Variants in GALNT16 observed in about 807,000 individuals in gnomAD.
The protein encoded by GALNT16 is polypeptide N-acetylgalactosaminyltransferase 16.
Under a neutral mutation model 76.1 loss-of-function variants are expected in GALNT16, and 40 were observed. The ratio of observed to expected loss-of-function variants is 0.53; its 90% CI spans 0.41 to 0.68. The LOEUF (loss-of-function observed/expected upper bound fraction) is 0.68, where lower values mean the gene tolerates loss of function less well. Among genes scored for constraint, GALNT16 ranks in the 30% least tolerant of loss-of-function variants. The pLI, the probability that GALNT16 is intolerant of heterozygous loss-of-function variation, is 0.00. For missense variants in GALNT16, 621 were observed against 731.9 expected (o/e 0.85, Z 1.75); for synonymous variants, 276 against 285.2 (o/e 0.97, Z 0.32).
intron 1 of GALNT16, among the ~76,000 whole-genome samples, chr14:69,271,233 C>A (rs1457748313): frequency 1.3e-5 from 2 of 152,192 alleles, no homozygotes; most frequent in Non-Finnish European, 2.9e-5. Context: ...CTCTTCCAGA[C>A]AATGCAGCAT....
rs956505754 is a variant in GALNT16 at position 69,314,074 on chromosome 14, T to G, written c.178-6637T>G. On this transcript the variant is annotated intron_variant, in intron 1 of 14. Transcript: ENST00000448469. ...CCCACCTCCAGAGATTCTGGTTTAG[T>G]TGGTCTTGGGTATGGCCTGGACATC... 1.4e-4 allele frequency among the ~76,000 whole-genome samples: 22 copies of G among 152,226 alleles called. 2 individuals are homozygous for G. The highest frequency in any genetic ancestry group is 1.4e-3 in the Admixed American group (22 of 15,284).
intron 13 of GALNT16, among the ~76,000 whole-genome samples, chr14:69,347,486 G>A (rs2045581722): frequency 6.6e-6 from 1 of 152,166 alleles, no homozygotes; most frequent in African/African-American, 2.4e-5. Flanking sequence ...CAAGACTCCT[G>A]TGCGCACATG....
intron 1 of GALNT16, among the ~76,000 whole-genome samples, chr14:69,318,593 A>G (rs1045544341): frequency 9.2e-5 from 14 of 152,186 alleles, no homozygotes; most frequent in Non-Finnish European, 1.5e-4. Flanking sequence ...CTGTCAGTCA[A>G]TGTTCACTGG....
At chr14:69,259,678 C>G (rs1175947680), upstream of GALNT16, 2 of 152,680 alleles carry the variant, frequency 1.3e-5, no homozygotes, top group Non-Finnish European at 2.9e-5. Context: ...TACACAAGGA[C>G]TCGCCGAACA....
At chr14:69,264,416 C>T (rs147557528) in intron 1 of GALNT16, among the ~76,000 whole-genome samples, 281 of 152,212 alleles carry the variant, frequency 1.8e-3, no homozygotes, top group Non-Finnish European at 3.2e-3. Flanking sequence ...AGGGGGAGTT[C>T]TCCTGAAAGG....
chr14:69,267,029 C>T (rs1446649881), intron 1 of GALNT16, among the ~76,000 whole-genome samples: 1 of 152,212 alleles, frequency 6.6e-6, no homozygotes, highest in Non-Finnish European at 1.5e-5. Context: ...TGAGTCTGAC[C>T]TTCCCATATT....
chr14:69,380,731 A>G, the GALNT16 span: 2 of 678,286 alleles, frequency 2.9e-6, no homozygotes, highest in Non-Finnish European at 5.3e-6. Flanking sequence ...ATGATGGCAT[A>G]GATGTGCACA....
the GALNT16 span, among the ~76,000 whole-genome samples, chr14:69,362,928 T>C: frequency 6.6e-6 from 1 of 152,264 alleles, no homozygotes; most frequent in African/African-American, 2.4e-5. Flanking sequence ...AGTGGAAGAC[T>C]GCTGGTCTGG....
intron 1 of GALNT16, among the ~76,000 whole-genome samples, chr14:69,262,522 A>C (rs1172964411): frequency 6.6e-6 from 1 of 152,226 alleles, no homozygotes; most frequent in Non-Finnish European, 1.5e-5. Flanking sequence ...AAAAGGTCTC[A>C]GAGCGGGAAG....
intron 1 of GALNT16, among the ~76,000 whole-genome samples, chr14:69,316,205 C>A (rs966498909): frequency 2.0e-5 from 3 of 152,158 alleles, no homozygotes; most frequent in African/African-American, 7.2e-5. Flanking sequence ...CTACCATACG[C>A]CGGCTTGGTC....
At position 69,271,729 on chromosome 14, in the gene GALNT16, C is replaced by T. The variant is rs902216292; in HGVS notation, c.177+11262C>T. Among the ~76,000 whole-genome samples, 8 of 152,144 alleles carry T rather than the reference C, an allele frequency of 5.3e-5. No individual in the cohort carries two copies. In the East Asian group the frequency reaches 5.8e-4, roughly 11 times the overall value. On this transcript the variant is annotated intron_variant, in intron 1 of 14. Transcript: ENST00000448469. ...AAACATTTGGGAATGTTTAGAACTT[C>T]GGTATGTGGAATCTATATTTTCAAC...
intron 6 of GALNT16, among the ~76,000 whole-genome samples, chr14:69,331,164 C>G (rs189012454): frequency 2.6e-5 from 4 of 152,308 alleles, no homozygotes; most frequent in Admixed American, 2.0e-4. Context: ...AATCCTTCAG[C>G]CTGCAGCAGT....
intron 1 of GALNT16, among the ~76,000 whole-genome samples, chr14:69,279,249 A>G (rs900578913): frequency 2.0e-5 from 3 of 152,176 alleles, no homozygotes; most frequent in African/African-American, 7.2e-5. Context: ...TTAAATTTTA[A>G]TATTTTGTTC....
rs534402736 is a variant in GALNT16 at position 69,326,545 on chromosome 14, G to A, written c.568+518G>A. On this transcript the variant is annotated intron_variant, in intron 5 of 14. Coordinates refer to ENST00000448469, the MANE Select transcript of GALNT16 (RefSeq NM_001168368.2). ...GGCTGGCTGTGGTTGTGTATGAATA[G>A]CATGGATATCAGAGGAGAGCTGGAG... Among the ~76,000 whole-genome samples the A allele has an allele frequency of 5.9e-5, 9 of 152,306 alleles. No homozygotes were observed. The South Asian group carries it at 1.7e-3, about 28-fold the overall frequency.
rs76412002 is a variant in GALNT16 at position 69,280,563 on chromosome 14, A to G, written c.177+20096A>G. Among the ~76,000 whole-genome samples, 932 of 152,326 alleles carry G rather than the reference A, an allele frequency of 6.1e-3. 3 individuals are homozygous for G. The highest frequency in any genetic ancestry group is 8.8e-3 in the Non-Finnish European group (602 of 68,032). On this transcript the variant is annotated intron_variant, in intron 1 of 14. Transcript: ENST00000448469. Reference sequence around the variant, plus strand: ...CTGTTCTTTGGGGTATATATGCAGAAGTGGAATTCCTGGATCATATGGTAA... The same window carrying G: ...CTGTTCTTTGGGGTATATATGCAGAGGTGGAATTCCTGGATCATATGGTAA...
intron 2 of GALNT16, among the ~76,000 whole-genome samples, chr14:69,323,725 G>A (rs781323158): frequency 2.0e-5 from 3 of 152,188 alleles, no homozygotes; most frequent in Non-Finnish European, 2.9e-5. Flanking sequence ...TTTCCCCCAG[G>A]GGGGTCCCAG....
In GALNT16 at chr14:69,287,005, G is replaced by A. The variant is rs532516853; in HGVS notation, c.177+26538G>A. ...ACCCCAGGCCTGCCACAGAACACAC[G>A]GCATCTTCTTGACCAGTGTAGCCCC... On this transcript the variant is annotated intron_variant, in intron 1 of 14. Coordinates refer to ENST00000448469, the MANE Select transcript of GALNT16 (RefSeq NM_001168368.2). Among the ~76,000 whole-genome samples, 7 of 152,244 alleles carry A rather than the reference G, an allele frequency of 4.6e-5. No homozygotes were observed. In the East Asian group the frequency reaches 1.2e-3, roughly 25 times the overall value.
intron 1 of GALNT16, among the ~76,000 whole-genome samples, chr14:69,318,199 G>A (rs567957719): frequency 3.9e-5 from 6 of 152,354 alleles, no homozygotes; most frequent in African/African-American, 1.4e-4. Flanking sequence ...CACCTGGAGC[G>A]GGGTTGGACC....
At chr14:69,296,711 A>G (rs2044764556) in intron 1 of GALNT16, among the ~76,000 whole-genome samples, 1 of 141,740 alleles carries the variant, frequency 7.1e-6, no homozygotes, top group South Asian at 2.4e-4. Context: ...ATAAAACTAG[A>G]TAGATGGACA....
Sources: allele counts gnomAD v4.1 joint callset (sites outside exome capture counted in the v4.1 genomes callset), GRCh38; gene constraint gnomAD v4.1.1; transcripts MANE v1.5; gene names NCBI Gene and HGNC (gene_info 2026-07-23, HGNC 2026-07-21).